TMEM117: variants seen among roughly 807,000 people sequenced by gnomAD.
The protein encoded by TMEM117 is transmembrane protein 117.
TMEM117 carries 27 observed loss-of-function variants against 52.4 expected under a neutral mutation model. The observed-to-expected ratio is 0.51, with a 90% CI of 0.38 to 0.71. The LOEUF (loss-of-function observed/expected upper bound fraction) is 0.71, where lower values mean the gene tolerates loss of function less well. Among genes scored for constraint, TMEM117 ranks in the 30% least tolerant of loss-of-function variants. The pLI is 0.00. For missense variants in TMEM117, 556 were observed against 630.5 expected (o/e 0.88, Z 1.26); for synonymous variants, 215 against 206.3 (o/e 1.04, Z -0.36).
chr12:44,361,992 T>C lies in TMEM117; in HGVS notation c.769-14603T>C, dbSNP rs755979495. On this transcript the variant is annotated intron_variant, in intron 6 of 7. Coordinates refer to ENST00000266534, the MANE Select transcript of TMEM117 (RefSeq NM_032256.3). The stretch of plus-strand genomic sequence containing the variant: ...GATCTAGCAGAGCACTGGCATGAAG[T>C]AGGTAATTGAGCACTTGCTTTGCTC... Among the ~76,000 whole-genome samples, 23 of 152,200 alleles carry C rather than the reference T, an allele frequency of 1.5e-4. 1 individual carries two copies. The highest frequency in any genetic ancestry group is 6.5e-4 in the Admixed American group (10 of 15,274).
chr12:44,343,861 C>T (rs758463418), intron 6 of TMEM117, among the ~76,000 whole-genome samples: 7 of 152,188 alleles, frequency 4.6e-5, no homozygotes, highest in East Asian at 1.9e-4. Context: ...TATTTCAAGC[C>T]TGGGGAGCTT....
chr12:44,376,412 T>A (rs1009002988), intron 6 of TMEM117, 183 bp from the exon 7 acceptor site: 1 of 720,722 alleles, frequency 1.4e-6, no homozygotes, highest in African/African-American at 1.8e-5. Context: ...TAATTTTGAT[T>A]TTGAATGCAT....
intron 7 of TMEM117, among the ~76,000 whole-genome samples, chr12:44,384,924 G>T (rs936560156): frequency 3.3e-5 from 5 of 152,102 alleles, no homozygotes; most frequent in African/African-American, 1.2e-4. Flanking sequence ...ATCCTTTGAG[G>T]TAGTTACACT....
chr12:44,083,179 G>C lies in TMEM117; in HGVS notation c.411-60346G>C, dbSNP rs535967009. 4.0e-5 allele frequency among the ~76,000 whole-genome samples: 6 copies of C among 151,898 alleles called. No individual in the cohort carries two copies. The South Asian group carries it at 1.0e-3, about 26-fold the overall frequency. On this transcript the variant is annotated intron_variant, in intron 3 of 7. Transcript: ENST00000266534. Reference sequence around the variant, plus strand: ...TTAAACATATGCAAAAGTTTTTCTAGGCATATAATGAAGAGCAGAGTTGCA... The same window carrying C: ...TTAAACATATGCAAAAGTTTTTCTACGCATATAATGAAGAGCAGAGTTGCA...
intron 5 of TMEM117, among the ~76,000 whole-genome samples, chr12:44,250,349 C>A (rs904220125): frequency 1.3e-5 from 2 of 152,008 alleles, no homozygotes; most frequent in East Asian, 1.9e-4. Context: ...TAGATACTGG[C>A]GAGGCTGTGG....
At chr12:44,030,678 C>T (rs9783507) in intron 3 of TMEM117, among the ~76,000 whole-genome samples, 14,552 of 152,202 alleles carry the variant, frequency 0.096, 1,108 homozygotes, top group African/African-American at 0.2. Context: ...ATTATTGGAA[C>T]GCTGAGCTTG....
chr12:43,920,461 C>T (rs1215321921), intron 2 of TMEM117, among the ~76,000 whole-genome samples: 3 of 151,024 alleles, frequency 2.0e-5, no homozygotes, highest in East Asian at 3.9e-4. Flanking sequence ...TGCAGTGAGC[C>T]GAGATCACAC....
chr12:44,318,528 T>A (rs916525451), intron 6 of TMEM117, among the ~76,000 whole-genome samples: 3 of 151,912 alleles, frequency 2.0e-5, no homozygotes, highest in African/African-American at 7.3e-5. Flanking sequence ...GGGTGCTCCA[T>A]CTGCATGGAG....
At chr12:43,937,551 G>C (rs998972365) in intron 2 of TMEM117, among the ~76,000 whole-genome samples, 1 of 152,182 alleles carries the variant, frequency 6.6e-6, no homozygotes, top group Non-Finnish European at 1.5e-5. Flanking sequence ...TGATAAGGAA[G>C]CAGGAGCTTC....
chr12:43,863,954 T>A (rs1473979792), intron 2 of TMEM117, among the ~76,000 whole-genome samples: 1 of 152,018 alleles, frequency 6.6e-6, no homozygotes, highest in African/African-American at 2.4e-5. Context: ...CCAGCTAGAG[T>A]TCCGGGTGGG....
intron 4 of TMEM117, among the ~76,000 whole-genome samples, chr12:44,182,383 A>G (rs1294618935): frequency 2.6e-5 from 4 of 152,316 alleles, no homozygotes; most frequent in South Asian, 2.1e-4. Context: ...CAGAACTTCC[A>G]ACACTATGTT....
intron 2 of TMEM117, among the ~76,000 whole-genome samples, chr12:43,935,443 A>G (rs1944936226): frequency 6.6e-6 from 1 of 152,204 alleles, no homozygotes; most frequent in Non-Finnish European, 1.5e-5. Context: ...CAAGTATTCT[A>G]ATATTTAAAA....
chr12:44,390,690 A>G (rs1184024013), downstream of TMEM117, among the ~76,000 whole-genome samples: 2 of 151,934 alleles, frequency 1.3e-5, no homozygotes, highest in Non-Finnish European at 2.9e-5. Context: ...AAATGGAACA[A>G]TTTCCAAGGA....
intron 6 of TMEM117, among the ~76,000 whole-genome samples, chr12:44,337,112 C>A (rs1951351598): frequency 6.6e-6 from 1 of 151,944 alleles, no homozygotes; most frequent in Non-Finnish European, 1.5e-5. Flanking sequence ...TAACAAAATA[C>A]CTGAGGCTAG....
chr12:43,836,849 T>C (rs1016587852), intron 1 of TMEM117, among the ~76,000 whole-genome samples: 1 of 152,112 alleles, frequency 6.6e-6, no homozygotes. Context: ...CATCACATGC[T>C]TATCAGGAAC....
intron 5 of TMEM117, among the ~76,000 whole-genome samples, chr12:44,249,425 T>C (rs1950170876): frequency 6.6e-6 from 1 of 152,040 alleles, no homozygotes; most frequent in African/African-American, 2.4e-5. Context: ...CCAAAGTAAT[T>C]TATAGATTCA....
intron 6 of TMEM117, among the ~76,000 whole-genome samples, chr12:44,315,116 C>G (rs1673915593): frequency 6.6e-6 from 1 of 152,044 alleles, no homozygotes; most frequent in South Asian, 2.1e-4. Context: ...TTTGTTGTTT[C>G]AAATTGCACT....
intron 5 of TMEM117, among the ~76,000 whole-genome samples, chr12:44,298,708 A>T (rs1002404370): frequency 2.0e-5 from 3 of 151,038 alleles, no homozygotes; most frequent in Non-Finnish European, 4.4e-5. Context: ...CTAGTATCTT[A>T]TCTAGCAGGG....
intron 5 of TMEM117, among the ~76,000 whole-genome samples, chr12:44,274,836 G>GC (rs1320149133): frequency 1.3e-5 from 2 of 152,006 alleles, no homozygotes; most frequent in Non-Finnish European, 2.9e-5. Context: ...CAAGACTTCA[G>GC]CCTATGATAC....
Sources: gnomAD v4.1 joint callset for allele counts (sites outside exome capture counted in the v4.1 genomes callset) on GRCh38, gnomAD v4.1.1 for gene constraint, MANE v1.5 for transcripts, NCBI Gene and HGNC (gene_info 2026-07-23, HGNC 2026-07-21) for gene names.